Variants in MGARP observed in about 807,000 individuals in gnomAD.
The protein encoded by MGARP is protein MGARP.
In MGARP, 12 loss-of-function variants were observed where a neutral mutation model predicts 11.0. The observed-to-expected ratio is 1.09, with a 90% CI of 0.70 to 1.77. The LOEUF is 1.77. MGARP is among the 40% of genes most tolerant of loss of function. The pLI is 0.00. For synonymous variants in MGARP, 110 were observed against 115.4 expected (o/e 0.95, Z 0.30); for missense variants, 283 against 297.8 (o/e 0.95, Z 0.36).
At chr4:139,272,606 G>T (rs1289120176) in intron 2 of MGARP, among the ~76,000 whole-genome samples, 1 of 149,318 alleles carries the variant, frequency 6.7e-6, no homozygotes, top group Non-Finnish European at 1.5e-5. Context: ...TATGTATTTT[G>T]GTTTGGTTTG....
Position 139,266,937 on chromosome 4 carries a change from T to C in MGARP, c.385A>G (p.Thr129Ala). 6.2e-7 allele frequency: 1 copy of C among 1,614,200 alleles called. No individual in the cohort carries two copies. The highest frequency in any genetic ancestry group is 8.5e-7 in the Non-Finnish European group (1 of 1,180,024). The change falls in exon 4 of 4, where the codon ACA becomes GCA. Residue 129 changes from threonine (T) to alanine (A), a missense_variant. Thr to Ala is a moderately conservative substitution (Grantham distance 58). Coordinates refer to ENST00000398955, the MANE Select transcript of MGARP (RefSeq NM_032623.4). ...GATGCCTCTTTTATGACCACAACTGTAGCACTGGGACTTTCTTCAGCATCT... is the reference window on the plus strand; with the variant it reads ...GATGCCTCTTTTATGACCACAACTGCAGCACTGGGACTTTCTTCAGCATCT... Reference protein sequence around the residue: ...VVDAEESPSATVVVIKEASAC... With the variant: ...VVDAEESPSAAVVVIKEASAC...
chr4:139,274,157 G>A (rs1245731256), intron 2 of MGARP, among the ~76,000 whole-genome samples: 1 of 152,088 alleles, frequency 6.6e-6, no homozygotes, highest in Non-Finnish European at 1.5e-5. Flanking sequence ...TGAGTAGGTG[G>A]AGTAGAGGGA....
rs1553988391 is a variant in MGARP, at chr4:139,270,623, A to AAAG, written c.187-1859_187-1858insCTT. 2.1e-3 allele frequency among the ~76,000 whole-genome samples: 321 copies of AAAG among 151,318 alleles called. 2 individuals carry two copies. The highest frequency in any genetic ancestry group is 6.6e-3 in the African/African-American group (272 of 41,056). On this transcript the variant is annotated intron_variant, in intron 2 of 3. Coordinates refer to ENST00000398955, the MANE Select transcript of MGARP (RefSeq NM_032623.4). ...GACCGCGTCTGAAAAAAAAAAAAAA[A>AAAG]AAAAGAAAAGAAAATCTATAATGTC...
At chr4:139,274,378 G>A (rs1205158069) in intron 2 of MGARP, among the ~76,000 whole-genome samples, 1 of 151,930 alleles carries the variant, frequency 6.6e-6, no homozygotes, top group South Asian at 2.1e-4. Context: ...AGGAGGAGGG[G>A]GTGTGAGGGG....
intron 1 of MGARP, among the ~76,000 whole-genome samples, chr4:139,276,059 G>A (rs1744864643): frequency 6.6e-6 from 1 of 152,066 alleles, no homozygotes; most frequent in Non-Finnish European, 1.5e-5. Flanking sequence ...TTATTTTGTA[G>A]TACTAACATT....
In MGARP at chr4:139,275,789, T is replaced by A. The variant is rs560232725; in HGVS notation, c.83-397A>T. On this transcript the variant is annotated intron_variant, in intron 1 of 3. Coordinates refer to ENST00000398955, the MANE Select transcript of MGARP (RefSeq NM_032623.4). ...TATTTTTTAAAAAATGAATTCAGTA[T>A]GTTTATACCTAAAATGTAATACAAT... Among the ~76,000 whole-genome samples the A allele has an allele frequency of 8.5e-5, 13 of 152,360 alleles. No individual in the cohort carries two copies. The East Asian group carries it at 1.5e-3, about 18-fold the overall frequency.
chr4:139,270,193 G>A (rs776471192), intron 2 of MGARP, among the ~76,000 whole-genome samples: 5 of 151,556 alleles, frequency 3.3e-5, no homozygotes, highest in Non-Finnish European at 7.4e-5. Context: ...CCAGCTACTC[G>A]GGAGGCTGAG....
In MGARP at chr4:139,266,612, G is replaced by A. The variant is rs368127329; in HGVS notation, c.710C>T (p.Ser237Leu). The A allele has an allele frequency of 5.6e-6, 9 of 1,612,530 alleles. No individual in the cohort carries two copies. In the East Asian group the frequency reaches 1.1e-4, roughly 20 times the overall value. ...ACCGGCTGGAGATTAGCCTTGAGCC[G>A]AAGCAGCCTCAGAGCCAACACTGGC... ...EEASVGSEAA[S>L]AQG The change falls in exon 4 of 4, where the codon TCG becomes TTG. Residue 237 changes from serine (S) to leucine (L), a missense_variant. Physicochemically the swap from Ser to Leu is moderately radical, Grantham distance 145. Transcript: ENST00000398955.
In MGARP at chr4:139,267,969, T is replaced by C. The variant is rs144223537; in HGVS notation, c.280+703A>G. On this transcript the variant is annotated intron_variant, in intron 3 of 3. Coordinates refer to ENST00000398955, the MANE Select transcript of MGARP (RefSeq NM_032623.4). ...TCTCTGCAAAACATAAAAAATAAAT[T>C]TGCTGGGTGTAGCGGTGCATGCTTG... 1.1e-3 allele frequency among the ~76,000 whole-genome samples: 160 copies of C among 152,178 alleles called. 1 individual carries two copies. The highest frequency in any genetic ancestry group is 3.7e-3 in the African/African-American group (154 of 41,520).
chr4:139,280,017 C>T (rs1239537078), intron 1 of MGARP, 60 bp downstream of exon 1: 1 of 1,577,076 alleles, frequency 6.3e-7, no homozygotes, highest in East Asian at 2.3e-5. Flanking sequence ...TTCCCTGGCG[C>T]GGGCGAAATC....
intron 1 of MGARP, among the ~76,000 whole-genome samples, chr4:139,277,286 C>T (rs1387169523): frequency 6.6e-6 from 1 of 152,150 alleles, no homozygotes; most frequent in Non-Finnish European, 1.5e-5. Context: ...GTAGCAAAAT[C>T]ACAACGATTT....
intron 2 of MGARP, among the ~76,000 whole-genome samples, chr4:139,271,105 A>G (rs1744774153): frequency 6.6e-6 from 1 of 152,244 alleles, no homozygotes; most frequent in African/African-American, 2.4e-5. Context: ...ATAAAGGCCT[A>G]TTAAAAGAGA....
At chr4:139,273,510 C>CTTTT (rs1000327890) in intron 2 of MGARP, among the ~76,000 whole-genome samples, 13 of 123,636 alleles carry the variant, frequency 1.1e-4, no homozygotes, top group Non-Finnish European at 1.6e-4. Flanking sequence ...TACTTTTATT[C>CTTTT]TTTTTTTTTT....
intron 1 of MGARP, among the ~76,000 whole-genome samples, chr4:139,276,836 CA>C (rs1744882141): frequency 6.6e-6 from 1 of 151,686 alleles, no homozygotes; most frequent in Non-Finnish European, 1.5e-5. Flanking sequence ...GGTTCTGTTC[CA>C]AAAAAATAAT....
chr4:139,274,699 C>T (rs920148605), intron 2 of MGARP, among the ~76,000 whole-genome samples: 5 of 152,044 alleles, frequency 3.3e-5, no homozygotes, highest in African/African-American at 1.2e-4. Flanking sequence ...GCCAGGCAGG[C>T]CTCGAACTCC....
At position 139,267,067 on chromosome 4, in the gene MGARP, G is replaced by A. The variant is rs201815570; in HGVS notation, c.281-26C>T. 1.2e-4 allele frequency: 195 copies of A among 1,598,106 alleles called. No homozygotes were observed. The African/African-American group carries it at 1.5e-3, about 12-fold the overall frequency. ...CTTTAAGAATTAGTCATTAAGCAAG[G>A]TATTAATTTAAAGATCGTGGGAAGG... is the stretch of plus-strand genomic sequence containing the variant. On this transcript the variant is annotated intron_variant, in intron 3 of 3. Coordinates refer to ENST00000398955, the MANE Select transcript of MGARP (RefSeq NM_032623.4).
At chr4:139,278,504 A>T (rs1475528246) in intron 1 of MGARP, among the ~76,000 whole-genome samples, 1 of 152,208 alleles carries the variant, frequency 6.6e-6, no homozygotes, top group South Asian at 2.1e-4. Context: ...CGTATTTAAA[A>T]TTTTTAAACT....
In MGARP at chr4:139,275,307, G is replaced by A; in HGVS notation, c.168C>T (p.Val56=). 1.2e-6 allele frequency: 2 copies of A among 1,613,692 alleles called. No individual in the cohort carries two copies. Among genetic ancestry groups the A allele is most frequent in the Non-Finnish European group, 1.7e-6 (2 of 1,179,702 alleles). ...CACTTACATAATATCCACCAGCACT[G>A]ACTGTGACGCCTACAACCAGATAAT... is the stretch of plus-strand genomic sequence containing the variant. ...MIYYLVVGVT[V]SAGGYYAYKT... is the part of the protein sequence containing the mutation. The change falls in exon 2 of 4, where the codon GTC becomes GTT. Residue 56 remains valine, a synonymous_variant. Transcript: ENST00000398955.
chr4:139,275,595 G>GA (rs1744854620), intron 1 of MGARP, among the ~76,000 whole-genome samples: 1 of 152,178 alleles, frequency 6.6e-6, no homozygotes, highest in South Asian at 2.1e-4. Context: ...AAACACTCAT[G>GA]AAACCTGTCA....
Sources: gnomAD v4.1 joint callset for allele counts (sites outside exome capture counted in the v4.1 genomes callset) on GRCh38, gnomAD v4.1.1 for gene constraint, MANE v1.5 for transcripts, NCBI Gene and HGNC (gene_info 2026-07-23, HGNC 2026-07-21) for gene names.